The following ENOX1 variants were observed in gnomAD, a reference collection of about 807,000 sequenced individuals.
ENOX1 encodes the protein candidate growth-related and time keeping constitutive hydroquinone (NADH) oxidase.
In ENOX1, 42 loss-of-function variants were observed where a neutral mutation model predicts 82.5. That is an observed-to-expected ratio of 0.51 (90% CI 0.40 to 0.66). The LOEUF is 0.66. ENOX1 is among the 30% of genes least tolerant of loss of function. The pLI, the probability that ENOX1 is intolerant of heterozygous loss-of-function variation, is 0.00. For missense variants in ENOX1, 608 were observed against 811.6 expected, an observed-to-expected ratio of 0.75 and a Z score of 3.05; for synonymous variants, 271 against 282.2, an observed-to-expected ratio of 0.96 and a Z score of 0.40.
chr13:43,399,372 T>C (rs2053358223), intron 5 of ENOX1, among the ~76,000 whole-genome samples: 1 of 152,170 alleles, frequency 6.6e-6, no homozygotes, highest in Non-Finnish European at 1.5e-5. Context: ...TGGGTACATG[T>C]GGGTGCTTCC....
intron 5 of ENOX1, among the ~76,000 whole-genome samples, chr13:43,377,932 C>A (rs549592233): frequency 6.4e-4 from 98 of 152,212 alleles, no homozygotes; most frequent in Admixed American, 2.5e-3. Flanking sequence ...TGTTTTAGGC[C>A]AGCATCTGTT....
At chr13:43,580,501 C>T (rs1323861202) in intron 2 of ENOX1, among the ~76,000 whole-genome samples, 1 of 152,160 alleles carries the variant, frequency 6.6e-6, no homozygotes, top group East Asian at 1.9e-4. Flanking sequence ...AGGTGAATAC[C>T]TAAAAATACA....
intron 1 of ENOX1, among the ~76,000 whole-genome samples, chr13:43,736,400 A>C (rs2089632679): frequency 6.6e-6 from 1 of 152,244 alleles, no homozygotes; most frequent in Non-Finnish European, 1.5e-5. Context: ...TCTGATGAAA[A>C]CTTTAATTTC....
chr13:43,510,138 T>C (rs1021797284), intron 2 of ENOX1, among the ~76,000 whole-genome samples: 3 of 151,996 alleles, frequency 2.0e-5, no homozygotes, highest in African/African-American at 7.2e-5. Context: ...TCTATAAATA[T>C]TATAGGACTT....
chr13:43,581,692 T>G (rs2080750054), intron 2 of ENOX1, among the ~76,000 whole-genome samples: 1 of 152,206 alleles, frequency 6.6e-6, no homozygotes. Context: ...CAAAATGAGC[T>G]GGAAGACTCT....
At chr13:43,424,154 C>T (rs554344368) in intron 3 of ENOX1, among the ~76,000 whole-genome samples, 3 of 152,338 alleles carry the variant, frequency 2.0e-5, no homozygotes, top group Non-Finnish European at 4.4e-5. Context: ...ATGTTGGTCA[C>T]ATCCCGGCCT....
At chr13:43,461,847 C>A (rs2057499718) in intron 3 of ENOX1, among the ~76,000 whole-genome samples, 1 of 152,184 alleles carries the variant, frequency 6.6e-6, no homozygotes, top group Non-Finnish European at 1.5e-5. Context: ...TTGTATGAGA[C>A]CAACTGCTGA....
chr13:43,652,977 G>A (rs2084263961), intron 2 of ENOX1, among the ~76,000 whole-genome samples: 1 of 152,218 alleles, frequency 6.6e-6, no homozygotes, highest in Non-Finnish European at 1.5e-5. Flanking sequence ...GATGACTGGA[G>A]CTCCCTGCCT....
intron 2 of ENOX1, among the ~76,000 whole-genome samples, chr13:43,499,689 A>T (rs1027843028): frequency 6.6e-6 from 1 of 152,054 alleles, no homozygotes; most frequent in Non-Finnish European, 1.5e-5. Flanking sequence ...CAACACAAAG[A>T]TACAAGGATC....
intron 1 of ENOX1, among the ~76,000 whole-genome samples, chr13:43,762,022 G>GT (rs1951011097): frequency 6.6e-6 from 1 of 152,166 alleles, no homozygotes; most frequent in Non-Finnish European, 1.5e-5. Flanking sequence ...GAAGGGTAAT[G>GT]TTTAATGTGC....
intron 9 of ENOX1, among the ~76,000 whole-genome samples, chr13:43,337,195 G>A (rs185105312): frequency 2.3e-4 from 35 of 152,294 alleles, no homozygotes; most frequent in African/African-American, 7.7e-4. Context: ...TCAGCACCAC[G>A]TTCCTTTCCA....
intron 2 of ENOX1, among the ~76,000 whole-genome samples, chr13:43,590,501 G>A (rs1036036702): frequency 1.3e-5 from 2 of 152,142 alleles, no homozygotes; most frequent in African/African-American, 4.8e-5. Flanking sequence ...TGGGCCGGGT[G>A]TGGTGGCTCA....
At chr13:43,543,664 G>C (rs1190451037) in intron 2 of ENOX1, among the ~76,000 whole-genome samples, 1 of 148,336 alleles carries the variant, frequency 6.7e-6, no homozygotes. Flanking sequence ...CCATAATGAT[G>C]CAAAGAAAAA....
intron 11 of ENOX1, among the ~76,000 whole-genome samples, chr13:43,319,282 C>T (rs1318854976): frequency 6.6e-6 from 1 of 151,966 alleles, no homozygotes; most frequent in South Asian, 2.1e-4. Flanking sequence ...CAGTGAACTC[C>T]TTTTCCCCTT....
chr13:43,610,697 T>C (rs1536844), intron 2 of ENOX1, among the ~76,000 whole-genome samples: 148,714 of 152,130 alleles, frequency 0.98, 72,783 homozygotes, highest in Middle Eastern at 1. Context: ...AGTTACAAAA[T>C]AGATTTCAAA....
At chr13:43,434,669 G>A (rs1050850493) in intron 3 of ENOX1, among the ~76,000 whole-genome samples, 1 of 152,110 alleles carries the variant, frequency 6.6e-6, no homozygotes, top group African/African-American at 2.4e-5. Flanking sequence ...TTAAAAAATG[G>A]TCAAATATTG....
intron 1 of ENOX1, among the ~76,000 whole-genome samples, chr13:43,696,876 T>C (rs1396558979): frequency 2.0e-5 from 3 of 151,642 alleles, no homozygotes; most frequent in African/African-American, 7.3e-5. Context: ...AGAAACCATC[T>C]TCACTGGCTC....
chr13:43,318,702 G>A (rs2047648329), intron 11 of ENOX1, among the ~76,000 whole-genome samples: 1 of 152,202 alleles, frequency 6.6e-6, no homozygotes, highest in African/African-American at 2.4e-5. Context: ...GACTTTTATT[G>A]ATTACGTACT....
At chr13:43,521,380 A>AGCC in intron 2 of ENOX1, among the ~76,000 whole-genome samples, 1 of 152,258 alleles carries the variant, frequency 6.6e-6, no homozygotes, top group South Asian at 2.1e-4. Flanking sequence ...AGAGAGCAGC[A>AGCC]GCCAGTATTA....
Sources: gnomAD v4.1 joint callset for allele counts (sites outside exome capture counted in the v4.1 genomes callset) on GRCh38, gnomAD v4.1.1 for gene constraint, MANE v1.5 for transcripts, NCBI Gene and HGNC (gene_info 2026-07-23, HGNC 2026-07-21) for gene names.